Variants in CIROZ observed in about 807,000 individuals in gnomAD.
CIROZ encodes the protein ciliated left-right organizer protein containing ZP-N domains.
chr1:10,954,346 C>T, the CIROZ span, among the ~76,000 whole-genome samples: 3 of 151,228 alleles, frequency 2.0e-5, no homozygotes, highest in African/African-American at 4.9e-5. Flanking sequence ...CCCAGCTACT[C>T]GGGAGGCTGA....
At chr1:10,975,847 A>G in the CIROZ span, among the ~76,000 whole-genome samples, 2 of 151,898 alleles carry the variant, frequency 1.3e-5, no homozygotes, top group South Asian at 4.2e-4. Context: ...AATAGACACA[A>G]ATCCCCCAAG....
the CIROZ span, among the ~76,000 whole-genome samples, chr1:10,980,472 A>C: frequency 6.6e-6 from 1 of 152,266 alleles, no homozygotes; most frequent in Non-Finnish European, 1.5e-5. Flanking sequence ...CGCTATTATT[A>C]GTTGATTAAT....
chr1:10,960,297 A>G, the CIROZ span, among the ~76,000 whole-genome samples: 1 of 152,136 alleles, frequency 6.6e-6, no homozygotes, highest in South Asian at 2.1e-4. This position sits in a 1 kb window ranked among gnomAD's most constrained non-coding sequence, Gnocchi z 4.6. Flanking sequence ...CCAGCTACTC[A>G]GGAGGCTGAG....
the CIROZ span, chr1:10,966,306 G>C: frequency 1.4e-6 from 2 of 1,474,992 alleles, no homozygotes; most frequent in South Asian, 1.4e-5. Flanking sequence ...CTCAGGCTTA[G>C]CTCCTTAAAT....
chr1:10,964,405 G>A, the CIROZ span: 4 of 1,134,042 alleles, frequency 3.5e-6, no homozygotes, highest in Non-Finnish European at 4.9e-6. Flanking sequence ...TGTGGAAGAG[G>A]GATGGGAAAC....
the CIROZ span, chr1:10,970,153 G>GAAGA: frequency 7.4e-7 from 1 of 1,349,544 alleles, no homozygotes; most frequent in Non-Finnish European, 9.9e-7. Context: ...AGGAAGGAAG[G>GAAGA]AAGAAAGGAA....
At chr1:10,972,425 ACACACACACACAC>A in the CIROZ span, among the ~76,000 whole-genome samples, 7 of 139,266 alleles carry the variant, frequency 5.0e-5, no homozygotes, top group African/African-American at 8.6e-5. Flanking sequence ...TGAAATACAC[ACACACACACACAC>A]ACACACACAC....
At chr1:10,948,621 G>A in the CIROZ span, 30 of 1,614,024 alleles carry the variant, frequency 1.9e-5, no homozygotes, top group South Asian at 1.2e-4. Flanking sequence ...GGTCAGAGCC[G>A]GGTGCGTTGG....
At chr1:10,962,282 C>A in the CIROZ span, among the ~76,000 whole-genome samples, 1 of 151,934 alleles carries the variant, frequency 6.6e-6, no homozygotes, top group East Asian at 1.9e-4. Context: ...CCCGTCTCTA[C>A]CAAAAATATA....
chr1:10,955,052 C>A, the CIROZ span: 18 of 1,613,758 alleles, frequency 1.1e-5, no homozygotes, highest in East Asian at 3.8e-4. Flanking sequence ...TTCTCAGTCA[C>A]CATAAAGATG....
chr1:10,949,496 G>A, the CIROZ span: 1 of 1,080,290 alleles, frequency 9.3e-7, no homozygotes, highest in Non-Finnish European at 1.4e-6. Flanking sequence ...GGGGATCAGA[G>A]TGGGGCTCTC....
chr1:10,979,724 A>C, the CIROZ span, among the ~76,000 whole-genome samples: 1 of 152,172 alleles, frequency 6.6e-6, no homozygotes, highest in Non-Finnish European at 1.5e-5. Context: ...CTACTCCTAC[A>C]ATGGAATACT....
At chr1:10,974,195 G>A in the CIROZ span, among the ~76,000 whole-genome samples, 1 of 152,106 alleles carries the variant, frequency 6.6e-6, no homozygotes, top group South Asian at 2.1e-4. The surrounding 1 kb of genome is among the most constrained non-coding windows in gnomAD (Gnocchi z 4.4). Context: ...ACTGGAGTAG[G>A]GACTCGTGGT....
chr1:10,950,560 G>A, the CIROZ span, among the ~76,000 whole-genome samples: 1 of 152,208 alleles, frequency 6.6e-6, no homozygotes, highest in South Asian at 2.1e-4. Context: ...AGGCATTCCA[G>A]GCCGATCATG....
At chr1:10,948,561 G>T in the CIROZ span, 1 of 1,614,214 alleles carries the variant, frequency 6.2e-7, no homozygotes, top group Non-Finnish European at 8.5e-7. Flanking sequence ...AGGTCGTTCA[G>T]GCCTCGGGGC....
the CIROZ span, chr1:10,964,303 T>C: frequency 3.2e-6 from 5 of 1,576,842 alleles, no homozygotes; most frequent in African/African-American, 5.4e-5. Context: ...TGTATGCAAA[T>C]GAGAGAGGAA....
chr1:10,952,511 AT>A, the CIROZ span, among the ~76,000 whole-genome samples: 1 of 151,902 alleles, frequency 6.6e-6, no homozygotes, highest in African/African-American at 2.4e-5. Context: ...TTCTCTGGGC[AT>A]TTTTTTGGTG....
chr1:10,947,617 C>T, the CIROZ span: 1 of 1,379,974 alleles, frequency 7.2e-7, no homozygotes, highest in Non-Finnish European at 9.5e-7. Context: ...TGCACTCTAC[C>T]TCCCCAGGGT....
chr1:10,981,885 T>C, the CIROZ span: 20 of 1,198,252 alleles, frequency 1.7e-5, no homozygotes, highest in Non-Finnish European at 2.0e-5. Context: ...CCCTCACCCA[T>C]TTGGCCCCCT....
Sources: gnomAD v4.1 joint callset for allele counts (sites outside exome capture counted in the v4.1 genomes callset) on GRCh38, gnomAD v4.1.1 for gene constraint, Gnocchi (gnomAD v3.1) non-coding constraint, MANE v1.5 for transcripts, NCBI Gene and HGNC (gene_info 2026-07-23, HGNC 2026-07-21) for gene names.